Variants in ARHGAP21 observed in about 807,000 individuals in gnomAD.
The protein encoded by ARHGAP21 is rho GTPase-activating protein 21.
In ARHGAP21, 38 loss-of-function variants were observed where a neutral mutation model predicts 164.6. The observed-to-expected ratio is 0.23, with a 90% CI of 0.18 to 0.30. The LOEUF (loss-of-function observed/expected upper bound fraction) is 0.30. Ranked by LOEUF, ARHGAP21 falls within the 10% of genes least tolerant of loss-of-function variation. The probability of loss-of-function intolerance (pLI) is 1.00; values close to 1 mark genes in which losing one functional copy is unlikely to be tolerated. For missense variants in ARHGAP21, 1,822 were observed against 2,370.7 expected (o/e 0.77, Z 4.81); for synonymous variants, 766 against 857.9 (o/e 0.89, Z 1.87).
chr10:24,628,952 CTATATAT>C lies in ARHGAP21; in HGVS notation c.495+1037_495+1043del, dbSNP rs1333592591. The C allele has an allele frequency of 1.7e-3, 24 of 13,764 alleles. 1 individual carries two copies. Among genetic ancestry groups the C allele is most frequent in the African/African-American group, 9.3e-3 (24 of 2,572 alleles). The allele number at this position is 13,764 out of a possible 1,614,324, so 0.9% of individuals were successfully genotyped here. A position where few individuals can be genotyped will look rare whatever the true frequency, so the allele number is the denominator to read the frequency against. ...ACATACATATATATACACACACACACTATATATATATATATATATATATATATATATT... is the reference window on the plus strand; with the variant it reads ...ACATACATATATATACACACACACACATATATATATATATATATATATATT... On this transcript the variant is annotated intron_variant, in intron 7 of 25. Transcript: ENST00000396432.
intron 2 of ARHGAP21, among the ~76,000 whole-genome samples, chr10:24,689,914 A>G (rs1471665461): frequency 2.1e-5 from 3 of 139,754 alleles, no homozygotes; most frequent in Non-Finnish European, 4.5e-5. Flanking sequence ...ATACATGTAT[A>G]TATGTATATG....
chr10:24,713,937 CA>C (rs1317259487), intron 2 of ARHGAP21, among the ~76,000 whole-genome samples: 1 of 152,254 alleles, frequency 6.6e-6, no homozygotes, highest in African/African-American at 2.4e-5. Flanking sequence ...TTAGTGAAAG[CA>C]ATCCAAAATT....
In ARHGAP21 at chr10:24,584,459, G is replaced by A; in HGVS notation, c.5830C>T (p.Leu1944=). 6.2e-7 allele frequency: 1 copy of A among 1,613,762 alleles called. No individual in the cohort carries two copies. Among genetic ancestry groups the A allele is most frequent in the Non-Finnish European group, 8.5e-7 (1 of 1,179,752 alleles). ...GCTTTACTGCCTGGGGTTTCAGACA[G>A]TTTATGAGGTTGGGCATTCGCTGCA... ...SSAANAQPHK[L]SETPGSKAEF... Residue 1944 remains leucine (L), a synonymous_variant, in exon 26 of 26, where the codon CTG becomes TTG. Coordinates refer to ENST00000396432, the MANE Select transcript of ARHGAP21 (RefSeq NM_020824.4).
At position 24,595,925 on chromosome 10, in the gene ARHGAP21, A is replaced by T. The variant is rs1365346737; in HGVS notation, c.3596T>A (p.Leu1199His). 1 of 1,613,522 alleles carries T rather than the reference A, an allele frequency of 6.2e-7. No individual in the cohort carries two copies. The highest frequency in any genetic ancestry group is 8.5e-7 in the Non-Finnish European group (1 of 1,179,772). Residue 1199 changes from leucine (L) to histidine (H), a missense_variant, in exon 18 of 26, where the codon CTC (leucine) becomes CAC (histidine). Around this residue, in one of 5 missense-constraint regions of ARHGAP21, gnomAD observed 117 missense variants for 238.1 expected, o/e 0.49. Coordinates refer to ENST00000396432, the MANE Select transcript of ARHGAP21 (RefSeq NM_020824.4). ...ATCAATATCAGCCATTCCCTTGTTG[A>T]GTTCTTCTTGCATACTTGAGATGGC... ...NAAISSMQEE[L>H]NKGMADIDIQ...
At chr10:24,635,693 T>C (rs1413839734) in intron 4 of ARHGAP21, among the ~76,000 whole-genome samples, 1 of 152,058 alleles carries the variant, frequency 6.6e-6, no homozygotes, top group African/African-American at 2.4e-5. Context: ...ACTACAGGTG[T>C]ACACCACCCC....
At chr10:24,705,922 G>C (rs1844183640) in intron 2 of ARHGAP21, among the ~76,000 whole-genome samples, 2 of 152,154 alleles carry the variant, frequency 1.3e-5, no homozygotes, top group South Asian at 4.1e-4. Context: ...GAGGGATAAA[G>C]GGAAAAATAA....
chr10:24,628,290 G>A (rs1835338563), intron 7 of ARHGAP21, among the ~76,000 whole-genome samples: 1 of 152,178 alleles, frequency 6.6e-6, no homozygotes, highest in African/African-American at 2.4e-5. Flanking sequence ...CTTCAGAAGG[G>A]TAATTGTTAT....
At chr10:24,705,621 T>C (rs1844152705) in intron 2 of ARHGAP21, among the ~76,000 whole-genome samples, 1 of 152,228 alleles carries the variant, frequency 6.6e-6, no homozygotes, top group Non-Finnish European at 1.5e-5. Flanking sequence ...GGGGCAAGCA[T>C]GGTCAGTGTG....
Position 24,584,398 on chromosome 10 carries a change from G to T in ARHGAP21, c.*14C>A. The T allele has an allele frequency of 1.3e-6, 2 of 1,577,520 alleles. No individual in the cohort carries two copies. The highest frequency in any genetic ancestry group is 1.7e-6 in the Non-Finnish European group (2 of 1,163,914). On this transcript the variant is annotated 3_prime_UTR_variant, in exon 26 of 26. Coordinates refer to ENST00000396432, the MANE Select transcript of ARHGAP21 (RefSeq NM_020824.4). ...AGTAGTTTTTTTACTTGCTAGAGTGGACATACCCCCAGTTTAAAGACAGGG... is the reference window on the plus strand; with the variant it reads ...AGTAGTTTTTTTACTTGCTAGAGTGTACATACCCCCAGTTTAAAGACAGGG...
chr10:24,633,129 A>G (rs1452729645), intron 6 of ARHGAP21, among the ~76,000 whole-genome samples: 2 of 152,224 alleles, frequency 1.3e-5, no homozygotes, highest in African/African-American at 2.4e-5. Flanking sequence ...ACTTCAAATA[A>G]AAGGGGTAAA....
rs545618539 is a variant in ARHGAP21, at chr10:24,648,709, G to A, written c.269-13606C>T. On this transcript the variant is annotated intron_variant, in intron 4 of 25. Coordinates refer to ENST00000396432, the MANE Select transcript of ARHGAP21 (RefSeq NM_020824.4). The stretch of plus-strand genomic sequence containing the variant: ...GCAGGAGAATTGCTTGAACCCAGAG[G>A]CGCAGGCTGCAGTGAGCCGAGATGG... 8 of 715,494 alleles carry A rather than the reference G, an allele frequency of 1.1e-5. No individual in the cohort carries two copies. The East Asian group carries it at 1.1e-3, about 96-fold the overall frequency. 44.3% of individuals were successfully genotyped at this position (715,494 alleles called of 1,614,324 possible). A position where few individuals can be genotyped will look rare whatever the true frequency, so the allele number is the denominator to read the frequency against.
intron 4 of ARHGAP21, among the ~76,000 whole-genome samples, chr10:24,663,720 G>C (rs1839919695): frequency 6.6e-6 from 1 of 152,150 alleles, no homozygotes; most frequent in Non-Finnish European, 1.5e-5. Context: ...GTAGAGAAGA[G>C]GTTTCACCAT....
At chr10:24,598,660 G>A (rs1178692277) in intron 14 of ARHGAP21, among the ~76,000 whole-genome samples, 1 of 151,986 alleles carries the variant, frequency 6.6e-6, no homozygotes, top group Non-Finnish European at 1.5e-5. Flanking sequence ...ATTATACATT[G>A]ATATTGACTG....
intron 9 of ARHGAP21, among the ~76,000 whole-genome samples, chr10:24,608,274 T>A (rs1351640494): frequency 6.6e-6 from 1 of 152,182 alleles, no homozygotes; most frequent in African/African-American, 2.4e-5. Flanking sequence ...TACCACAGAT[T>A]ATCACTTCAG....
intron 2 of ARHGAP21, among the ~76,000 whole-genome samples, chr10:24,682,462 T>C (rs1841859864): frequency 6.6e-6 from 1 of 152,220 alleles, no homozygotes; most frequent in African/African-American, 2.4e-5. Flanking sequence ...ATAGTCCTAA[T>C]GCCACAGAGA....
At chr10:24,622,865 T>C (rs753976945) in intron 7 of ARHGAP21, 103 bp from the exon 8 acceptor site, 10 of 1,147,892 alleles carry the variant, frequency 8.7e-6, no homozygotes, top group African/African-American at 7.8e-5. Flanking sequence ...AATACATCTA[T>C]ACTTGTTTCT....
chr10:24,668,778 G>A (rs552593239), intron 3 of ARHGAP21, among the ~76,000 whole-genome samples: 1 of 151,898 alleles, frequency 6.6e-6, no homozygotes, highest in South Asian at 2.1e-4. Flanking sequence ...AGGGTTTATT[G>A]TACTGTGCTA....
intron 2 of ARHGAP21, among the ~76,000 whole-genome samples, chr10:24,701,824 C>A (rs1246074674): frequency 6.6e-6 from 1 of 152,182 alleles, no homozygotes. Context: ...GAGCTGAAAA[C>A]AGACCGCAGG....
At chr10:24,678,855 A>C (rs540502612) in intron 2 of ARHGAP21, among the ~76,000 whole-genome samples, 25 of 152,328 alleles carry the variant, frequency 1.6e-4, no homozygotes, top group African/African-American at 6.0e-4. Context: ...AAATAGAATC[A>C]TACAGTCAGT....
Sources: gnomAD v4.1 joint callset for allele counts (sites outside exome capture counted in the v4.1 genomes callset) on GRCh38, gnomAD v4.1.1 for gene constraint, gnomAD v4.1.1 regional missense constraint, MANE v1.5 for transcripts, NCBI Gene and HGNC (gene_info 2026-07-23, HGNC 2026-07-21) for gene names.